The following CAMK1D variants were observed in gnomAD, a reference collection of about 807,000 sequenced individuals.
The protein encoded by CAMK1D is calcium/calmodulin-dependent protein kinase type 1D.
A neutral mutation model predicts 47.7 loss-of-function variants in CAMK1D; 9 were observed. The ratio of observed to expected loss-of-function variants is 0.19; its 90% confidence interval spans 0.11 to 0.33. The LOEUF is 0.33. Ranked by LOEUF, CAMK1D falls within the 10% of genes least tolerant of loss-of-function variation. The pLI is 1.00. For synonymous variants in CAMK1D, 184 were observed against 184.9 expected, an observed-to-expected ratio of 0.99 and a Z score of 0.04; for missense variants, 291 against 488.7, an observed-to-expected ratio of 0.60 and a Z score of 3.81.
chr10:12,523,152 G>A (rs1378550951), intron 1 of CAMK1D, among the ~76,000 whole-genome samples: 1 of 151,480 alleles, frequency 6.6e-6, no homozygotes, highest in African/African-American at 2.4e-5. Context: ...AGACGGGGTC[G>A]CGGCTGGGCA....
intron 1 of CAMK1D, among the ~76,000 whole-genome samples, chr10:12,507,234 C>T (rs1310317835): frequency 3.3e-5 from 5 of 152,162 alleles, no homozygotes; most frequent in African/African-American, 7.2e-5. Context: ...AGCTAATACA[C>T]GGAGTGGAGA....
intron 3 of CAMK1D, among the ~76,000 whole-genome samples, chr10:12,687,788 A>C (rs569577456): frequency 2.6e-5 from 4 of 152,204 alleles, no homozygotes; most frequent in Non-Finnish European, 4.4e-5. Context: ...TGCAGGCTAC[A>C]GTGTCAGGAA....
chr10:12,365,894 A>G (rs1056920203), intron 1 of CAMK1D, among the ~76,000 whole-genome samples: 13 of 152,294 alleles, frequency 8.5e-5, no homozygotes, highest in African/African-American at 3.1e-4. Context: ...CTCTACTAAA[A>G]AATACAAAAA....
chr10:12,521,498 G>A (rs1835414720), intron 1 of CAMK1D, among the ~76,000 whole-genome samples: 1 of 152,122 alleles, frequency 6.6e-6, no homozygotes, highest in Non-Finnish European at 1.5e-5. Context: ...TTTGTTTTAT[G>A]ATAAAGTTTG....
chr10:12,552,621 C>T (rs985931554), intron 1 of CAMK1D, among the ~76,000 whole-genome samples: 16 of 152,318 alleles, frequency 1.1e-4, no homozygotes, highest in Non-Finnish European at 1.5e-4. Context: ...TCCAAAGTGA[C>T]GCCACTGTGT....
chr10:12,767,820 C>T (rs1836842682), intron 4 of CAMK1D, among the ~76,000 whole-genome samples: 1 of 152,182 alleles, frequency 6.6e-6, no homozygotes, highest in Non-Finnish European at 1.5e-5. Flanking sequence ...GCAGAGGAAG[C>T]AATCAGGTAT....
intron 1 of CAMK1D, among the ~76,000 whole-genome samples, chr10:12,371,054 TAA>T (rs1328121855): frequency 6.6e-6 from 1 of 152,226 alleles, no homozygotes; most frequent in Non-Finnish European, 1.5e-5. Context: ...ATTAAAAAGT[TAA>T]GTTACAGTAA....
intron 2 of CAMK1D, among the ~76,000 whole-genome samples, chr10:12,584,720 T>C (rs987564143): frequency 2.0e-5 from 3 of 152,088 alleles, no homozygotes; most frequent in Non-Finnish European, 2.9e-5. Flanking sequence ...TTAGGAAGGC[T>C]GAGGTGGGAG....
chr10:12,734,488 ATG>A, intron 3 of CAMK1D, among the ~76,000 whole-genome samples: 1 of 140,220 alleles, frequency 7.1e-6, no homozygotes, highest in African/African-American at 2.7e-5. Flanking sequence ...ATATACACAT[ATG>A]TATATATATA....
chr10:12,767,469 G>A (rs953537954), intron 4 of CAMK1D, among the ~76,000 whole-genome samples: 6 of 152,078 alleles, frequency 3.9e-5, no homozygotes, highest in Non-Finnish European at 5.9e-5. Context: ...GAGCCACTGC[G>A]CCTAACCAGG....
chr10:12,366,727 T>C (rs1201057883), intron 1 of CAMK1D, among the ~76,000 whole-genome samples: 1 of 151,256 alleles, frequency 6.6e-6, no homozygotes, highest in African/African-American at 2.4e-5. Context: ...GCGGGGTGGG[T>C]GGCAGATCTA....
At chr10:12,466,901 C>G (rs369579653) in intron 1 of CAMK1D, among the ~76,000 whole-genome samples, 1 of 152,042 alleles carries the variant, frequency 6.6e-6, no homozygotes, top group African/African-American at 2.4e-5. Flanking sequence ...CAGGGATTGT[C>G]GTAGCTGGGG....
At chr10:12,499,024 C>T (rs1438924722) in intron 1 of CAMK1D, among the ~76,000 whole-genome samples, 1 of 151,454 alleles carries the variant, frequency 6.6e-6, no homozygotes, top group Non-Finnish European at 1.5e-5. Context: ...AATGCCTTCC[C>T]CTGGGTCATA....
intron 1 of CAMK1D, among the ~76,000 whole-genome samples, chr10:12,507,748 C>CA (rs1330162586): frequency 6.6e-6 from 1 of 152,142 alleles, no homozygotes. Flanking sequence ...CTGTGGTTCC[C>CA]AATTCTTTTA....
intron 2 of CAMK1D, among the ~76,000 whole-genome samples, chr10:12,630,306 C>T (rs960102585): frequency 7.9e-5 from 12 of 151,916 alleles, no homozygotes; most frequent in African/African-American, 2.9e-4. Context: ...CTGCCCACCC[C>T]CACCGCGTAT....
At chr10:12,369,516 A>G (rs1837945638) in intron 1 of CAMK1D, among the ~76,000 whole-genome samples, 1 of 152,210 alleles carries the variant, frequency 6.6e-6, no homozygotes, top group South Asian at 2.1e-4. Context: ...GGGCTCAGGG[A>G]CAGTGAGCTG....
intron 2 of CAMK1D, among the ~76,000 whole-genome samples, chr10:12,559,341 C>T (rs944680410): frequency 3.3e-5 from 5 of 152,082 alleles, no homozygotes; most frequent in South Asian, 2.1e-4. Flanking sequence ...GCCCCATTCA[C>T]GACCAATCGA....
chr10:12,510,244 A>G (rs576914087), intron 1 of CAMK1D, among the ~76,000 whole-genome samples: 123 of 152,252 alleles, frequency 8.1e-4, no homozygotes, highest in Non-Finnish European at 1.5e-3. Context: ...GCAAAAACTC[A>G]TCTCCACTAA....
intron 1 of CAMK1D, among the ~76,000 whole-genome samples, chr10:12,460,120 C>T (rs1183988335): frequency 6.6e-6 from 1 of 152,118 alleles, no homozygotes; most frequent in Non-Finnish European, 1.5e-5. Context: ...CATACAGATT[C>T]TTATTTCCTA....
Sources: allele counts gnomAD v4.1 joint callset (sites outside exome capture counted in the v4.1 genomes callset), GRCh38; gene constraint gnomAD v4.1.1; transcripts MANE v1.5; gene names NCBI Gene and HGNC (gene_info 2026-07-23, HGNC 2026-07-21).